Variants in SLC44A5 observed in about 807,000 individuals in gnomAD.
The protein encoded by SLC44A5 is choline transporter-like protein 5.
A neutral mutation model predicts 101.8 loss-of-function variants in SLC44A5; 57 were observed. The observed-to-expected ratio is 0.56, with a 90% confidence interval of 0.45 to 0.70. SLC44A5 has a LOEUF of 0.70. Among genes scored for constraint, SLC44A5 ranks in the 30% least tolerant of loss-of-function variants. The pLI is 0.00. For missense variants in SLC44A5, 737 were observed against 853.1 expected (o/e 0.86, Z 1.70); for synonymous variants, 281 against 290.9 (o/e 0.97, Z 0.35).
intron 2 of SLC44A5, among the ~76,000 whole-genome samples, chr1:75,399,224 G>C (rs376163015): frequency 3.3e-5 from 5 of 152,014 alleles, no homozygotes; most frequent in African/African-American, 7.2e-5. Context: ...CATCACTAAT[G>C]ATGGGTCAAC....
chr1:75,429,759 C>T (rs1274573112), intron 2 of SLC44A5, among the ~76,000 whole-genome samples: 2 of 152,034 alleles, frequency 1.3e-5, no homozygotes, highest in African/African-American at 2.4e-5. Context: ...TGCCAGATCT[C>T]GTGTGAACTC....
intron 2 of SLC44A5, among the ~76,000 whole-genome samples, chr1:75,502,311 G>T (rs1669001810): frequency 6.6e-6 from 1 of 152,138 alleles, no homozygotes; most frequent in African/African-American, 2.4e-5. Context: ...CTGCAGAGGA[G>T]GGCACAGATT....
the SLC44A5 span, among the ~76,000 whole-genome samples, chr1:75,643,480 G>T: frequency 6.6e-6 from 1 of 152,092 alleles, no homozygotes; most frequent in South Asian, 2.1e-4. Flanking sequence ...TTGTCCATTA[G>T]TTAACATGAT....
chr1:75,485,909 A>G (rs1397899324), intron 2 of SLC44A5, among the ~76,000 whole-genome samples: 3 of 152,108 alleles, frequency 2.0e-5, no homozygotes, highest in Non-Finnish European at 4.4e-5. Flanking sequence ...ATCAGTTCTC[A>G]TGAGAACTCA....
rs1430360438 is a variant in SLC44A5 at position 75,381,060 on chromosome 1, T to C, written c.52+15523A>G. Reference sequence around the variant, plus strand: ...TGTCACTCAGGCCACGGGTAAATTATTTACAAGACTTTCCTTATCAAAGAT... The same window carrying C: ...TGTCACTCAGGCCACGGGTAAATTACTTACAAGACTTTCCTTATCAAAGAT... On this transcript the variant is annotated intron_variant, in intron 3 of 23. Transcript: ENST00000370859. 3.8e-5 allele frequency among the ~76,000 whole-genome samples: 3 copies of C among 79,754 alleles called. 1 individual carries two copies. The highest frequency in any genetic ancestry group is 2.5e-4 in the African/African-American group (3 of 11,904). 52.3% of individuals were successfully genotyped at this position (79,754 alleles called of 152,430 possible). A position where few individuals can be genotyped will look rare whatever the true frequency, so the allele number is the denominator to read the frequency against.
At chr1:75,335,933 A>G (rs531099341) in intron 4 of SLC44A5, among the ~76,000 whole-genome samples, 6 of 152,044 alleles carry the variant, frequency 3.9e-5, no homozygotes, top group Middle Eastern at 3.2e-3. Flanking sequence ...TGGACCACAC[A>G]TTTGGTGCAC....
chr1:75,438,712 G>A (rs1365440532), intron 2 of SLC44A5, among the ~76,000 whole-genome samples: 1 of 152,028 alleles, frequency 6.6e-6, no homozygotes, highest in Non-Finnish European at 1.5e-5. Context: ...GAACAAAAAA[G>A]CCTGGGACTC....
intron 2 of SLC44A5, among the ~76,000 whole-genome samples, chr1:75,437,537 T>C (rs1285389247): frequency 2.0e-5 from 3 of 152,164 alleles, no homozygotes; most frequent in African/African-American, 7.2e-5. Context: ...ATGTCTGTAT[T>C]TAGTCTTTAA....
chr1:75,276,197 T>C (rs1557607980), intron 5 of SLC44A5, among the ~76,000 whole-genome samples: 1 of 152,178 alleles, frequency 6.6e-6, no homozygotes, highest in African/African-American at 2.4e-5. Flanking sequence ...AATACCTTCT[T>C]ATTAAATCTG....
At chr1:75,355,994 C>G (rs749377824) in intron 3 of SLC44A5, among the ~76,000 whole-genome samples, 1 of 151,760 alleles carries the variant, frequency 6.6e-6, no homozygotes, top group African/African-American at 2.4e-5. Flanking sequence ...GGCAGATCAT[C>G]TGAGGTCAGG....
chr1:75,548,603 C>T (rs2779490), intron 1 of SLC44A5, among the ~76,000 whole-genome samples: 23,248 of 152,018 alleles, frequency 0.15, 2,025 homozygotes, highest in Admixed American at 0.23. Flanking sequence ...CTAAAAAGGA[C>T]TCAAAGAATA....
chr1:75,539,576 C>A (rs146640964), intron 2 of SLC44A5, among the ~76,000 whole-genome samples: 7 of 141,432 alleles, frequency 4.9e-5, no homozygotes, highest in East Asian at 2.0e-4. Context: ...TCATTCCCTG[C>A]GTATGTAAAA....
At chr1:75,331,783 T>A (rs28630975) in intron 4 of SLC44A5, among the ~76,000 whole-genome samples, 1 of 152,286 alleles carries the variant, frequency 6.6e-6, no homozygotes, top group South Asian at 2.1e-4. Flanking sequence ...CTAAGTGTAT[T>A]CCTGCCTTAG....
intron 6 of SLC44A5, among the ~76,000 whole-genome samples, chr1:75,262,411 A>G (rs913849276): frequency 6.6e-6 from 1 of 152,216 alleles, no homozygotes; most frequent in Non-Finnish European, 1.5e-5. Flanking sequence ...AATACCTAGG[A>G]ATCCAACTTA....
chr1:75,645,197 G>A, the SLC44A5 span, among the ~76,000 whole-genome samples: 1 of 152,082 alleles, frequency 6.6e-6, no homozygotes, highest in African/African-American at 2.4e-5. Context: ...CTGAGGAATC[G>A]CCACACTGTC....
the SLC44A5 span, among the ~76,000 whole-genome samples, chr1:75,678,018 T>C: frequency 1.3e-5 from 2 of 151,968 alleles, no homozygotes; most frequent in African/African-American, 4.8e-5. Context: ...ACCAGGAAAA[T>C]TGGGTCACTC....
intron 4 of SLC44A5, among the ~76,000 whole-genome samples, chr1:75,334,897 C>A (rs1483547529): frequency 6.6e-6 from 1 of 152,188 alleles, no homozygotes; most frequent in Non-Finnish European, 1.5e-5. Flanking sequence ...TTCCTTGGTG[C>A]TCCAAGAGTA....
At chr1:75,330,069 G>C (rs1656901289) in intron 4 of SLC44A5, among the ~76,000 whole-genome samples, 1 of 149,826 alleles carries the variant, frequency 6.7e-6, no homozygotes, top group African/African-American at 2.5e-5. Context: ...TCCTACGCTA[G>C]AATAATATTC....
chr1:75,698,780 A>G, the SLC44A5 span, among the ~76,000 whole-genome samples: 1 of 152,212 alleles, frequency 6.6e-6, no homozygotes, highest in Non-Finnish European at 1.5e-5. Context: ...ATGTATAACT[A>G]GAATAATCAA....
Sources: allele counts gnomAD v4.1 joint callset (sites outside exome capture counted in the v4.1 genomes callset), GRCh38; gene constraint gnomAD v4.1.1; transcripts MANE v1.5; gene names NCBI Gene and HGNC (gene_info 2026-07-23, HGNC 2026-07-21).